Variants in IL7 observed in about 807,000 individuals in gnomAD.
The protein encoded by IL7 is interleukin-7.
IL7 carries 3 observed loss-of-function variants against 21.6 expected under a neutral mutation model. The observed-to-expected ratio is 0.14, with a 90% CI of 0.06 to 0.36. The LOEUF is 0.36. Among genes scored for constraint, IL7 ranks in the 10% least tolerant of loss-of-function variants. IL7 has a pLI of 1.00. For missense variants in IL7, 175 were observed against 200.2 expected, an observed-to-expected ratio of 0.87 and a Z score of 0.76; for synonymous variants, 62 against 68.1, an observed-to-expected ratio of 0.91 and a Z score of 0.44.
At chr8:78,689,235 T>A in intron 3 of IL7, 1 of 1,571,422 alleles carries the variant, frequency 6.4e-7, no homozygotes, top group Non-Finnish European at 8.6e-7. Flanking sequence ...ATATTCAATG[T>A]CCATATTGTC....
intron 3 of IL7, among the ~76,000 whole-genome samples, chr8:78,703,390 T>G (rs1810669450): frequency 6.6e-6 from 1 of 152,222 alleles, no homozygotes; most frequent in Non-Finnish European, 1.5e-5. Flanking sequence ...AGTCTCCCAC[T>G]ATTATCGTGT....
intron 4 of IL7, among the ~76,000 whole-genome samples, chr8:78,677,232 A>G (rs569020530): frequency 6.6e-6 from 1 of 152,252 alleles, no homozygotes; most frequent in South Asian, 2.1e-4. Context: ...ATCAATCATC[A>G]TGCTTAATAT....
chr8:78,686,567 GT>G, intron 3 of IL7: 1 of 1,533,884 alleles, frequency 6.5e-7, no homozygotes, highest in Admixed American at 1.9e-5. Flanking sequence ...CTCAAAGAGG[GT>G]GGCAAACTTC....
At chr8:78,750,907 A>G (rs1047458404) in intron 2 of IL7, among the ~76,000 whole-genome samples, 1 of 152,200 alleles carries the variant, frequency 6.6e-6, no homozygotes, top group Non-Finnish European at 1.5e-5. Flanking sequence ...ACAGACAAGA[A>G]CAGATAGGAA....
At chr8:78,773,896 G>A (rs1186102238) in intron 2 of IL7, among the ~76,000 whole-genome samples, 3 of 152,068 alleles carry the variant, frequency 2.0e-5, no homozygotes, top group Non-Finnish European at 4.4e-5. Flanking sequence ...CTGTCTGTAG[G>A]AATTCTGCCT....
chr8:78,684,247 A>G (rs1809881088), intron 4 of IL7, among the ~76,000 whole-genome samples: 1 of 152,208 alleles, frequency 6.6e-6, no homozygotes, highest in Non-Finnish European at 1.5e-5. Context: ...GGCAATTTAT[A>G]AAGAAAAAGA....
intron 2 of IL7, among the ~76,000 whole-genome samples, chr8:78,744,557 G>A (rs1811911476): frequency 6.6e-6 from 1 of 152,156 alleles, no homozygotes; most frequent in African/African-American, 2.4e-5. Flanking sequence ...CCAAGCCAAT[G>A]TGTCTTATCC....
chr8:78,760,772 A>G (rs1812526292), intron 2 of IL7: 4 of 1,535,408 alleles, frequency 2.6e-6, no homozygotes, highest in Non-Finnish European at 3.5e-6. Context: ...TTTCCCAGGG[A>G]GTTTCATTTG....
chr8:78,798,927 A>G (rs1813958902), intron 1 of IL7, among the ~76,000 whole-genome samples: 1 of 152,136 alleles, frequency 6.6e-6, no homozygotes, highest in Admixed American at 6.5e-5. Context: ...ATCCTCAGAT[A>G]GAAACCAATG....
chr8:78,768,004 A>T lies in IL7; in HGVS notation c.148-27922T>A, dbSNP rs573453341. Among the ~76,000 whole-genome samples the T allele has an allele frequency of 2.4e-3, 362 of 151,582 alleles. 3 individuals carry two copies. The highest frequency in any genetic ancestry group is 8.2e-3 in the African/African-American group (340 of 41,270). ...TCTCATTGTTCAATTCCCACCTATG[A>T]GTGAGAATATGCGGTGTTTGGCTTT... On this transcript the variant is annotated intron_variant, in intron 2 of 5. Transcript: ENST00000263851.
At chr8:78,718,546 A>C (rs1811174508) in intron 6 of IL7, 1 of 151,926 alleles carries the variant, frequency 6.6e-6, no homozygotes, top group Admixed American at 6.6e-5. Flanking sequence ...GGTTAAGAGA[A>C]TATCTAATTT....
At chr8:78,775,363 T>G (rs1337224228) in intron 2 of IL7, among the ~76,000 whole-genome samples, 4 of 152,098 alleles carry the variant, frequency 2.6e-5, no homozygotes, top group Non-Finnish European at 5.9e-5. Context: ...ACTCTGGATG[T>G]GCAGAAAGGT....
intron 2 of IL7, among the ~76,000 whole-genome samples, chr8:78,756,451 CT>C (rs1300855954): frequency 6.6e-6 from 1 of 151,668 alleles, no homozygotes; most frequent in African/African-American, 2.4e-5. Flanking sequence ...TGGTCCTGGG[CT>C]TTTCTTTTTT....
chr8:78,712,323 A>C (rs1017297025), intron 3 of IL7, among the ~76,000 whole-genome samples: 1 of 152,138 alleles, frequency 6.6e-6, no homozygotes, highest in South Asian at 2.1e-4. Flanking sequence ...TATACATTTT[A>C]TTCCATTAAA....
At chr8:78,732,769 G>C (rs1811449983), downstream of IL7, 1 of 152,118 alleles carries the variant, frequency 6.6e-6, no homozygotes, top group African/African-American at 2.4e-5. Flanking sequence ...GAATCTGGCA[G>C]TGTTAATACA....
At chr8:78,727,577 T>C (rs948826664) in intron 3 of IL7, among the ~76,000 whole-genome samples, 1 of 152,080 alleles carries the variant, frequency 6.6e-6, no homozygotes, top group Non-Finnish European at 1.5e-5. Flanking sequence ...GTATCATAAC[T>C]CTTTATGACT....
rs1812543542 is a variant in IL7, at chr8:78,761,193, T to C, written c.148-21111A>G. The C allele has an allele frequency of 2.5e-6, 4 of 1,592,648 alleles. No homozygotes were observed. The South Asian group carries it at 4.6e-5, about 18-fold the overall frequency. On this transcript the variant is annotated intron_variant, in intron 2 of 5. Transcript: ENST00000263851. ...TTCAGTTCTTTACCCCTTTCTTTACTGTTCTGAAAAAGAACAGAAATTACG... is the reference window on the plus strand; with the variant it reads ...TTCAGTTCTTTACCCCTTTCTTTACCGTTCTGAAAAAGAACAGAAATTACG...
At chr8:78,678,017 G>T (rs575255618) in intron 4 of IL7, among the ~76,000 whole-genome samples, 1 of 152,244 alleles carries the variant, frequency 6.6e-6, no homozygotes, top group Non-Finnish European at 1.5e-5. Context: ...CTGTCATGGC[G>T]CTGGTGGGAG....
rs151104226 is a variant in IL7 at position 78,795,212 on chromosome 8, C to T, written c.147+2860G>A. Among the ~76,000 whole-genome samples, 824 of 152,134 alleles carry T rather than the reference C, an allele frequency of 5.4e-3. 10 individuals are homozygous for T. The highest frequency in any genetic ancestry group is 0.019 in the African/African-American group (797 of 41,526). ...TTCATAACTATTAGTATTATGGTCTCCCCAAGACTTAAACACAGTAATGTC... is the reference window on the plus strand; with the variant it reads ...TTCATAACTATTAGTATTATGGTCTTCCCAAGACTTAAACACAGTAATGTC... On this transcript the variant is annotated intron_variant, in intron 2 of 5. Transcript: ENST00000263851.
Sources: gnomAD v4.1 joint callset for allele counts (sites outside exome capture counted in the v4.1 genomes callset) on GRCh38, gnomAD v4.1.1 for gene constraint, MANE v1.5 for transcripts, NCBI Gene and HGNC (gene_info 2026-07-23, HGNC 2026-07-21) for gene names.